The following QRICH1 variants were observed in gnomAD, a reference collection of about 807,000 sequenced individuals.
QRICH1 encodes glutamine rich 1.
QRICH1 carries 16 observed loss-of-function variants against 87.1 expected under a neutral mutation model. The ratio of observed to expected loss-of-function variants is 0.18; its 90% confidence interval spans 0.12 to 0.28. QRICH1 has a LOEUF of 0.28. Ranked by LOEUF, QRICH1 falls within the 10% of genes least tolerant of loss-of-function variation. The pLI is 1.00. For missense variants in QRICH1, 647 were observed against 951.7 expected, an observed-to-expected ratio of 0.68 and a Z score of 4.21; for synonymous variants, 367 against 368.4, an observed-to-expected ratio of 1.00 and a Z score of 0.05.
chr3:49,085,138 G>T (rs2042144335), intron 1 of QRICH1, among the ~76,000 whole-genome samples: 1 of 150,908 alleles, frequency 6.6e-6, no homozygotes, highest in Admixed American at 6.6e-5. Flanking sequence ...GCAAGACTCC[G>T]TCTCAAAAAA....
intron 2 of QRICH1, among the ~76,000 whole-genome samples, chr3:49,064,437 G>C (rs141926009): frequency 6.6e-6 from 1 of 151,912 alleles, no homozygotes; most frequent in South Asian, 2.1e-4. Context: ...ATTTTTAGTA[G>C]AGATGGGGTT....
At chr3:49,071,077 T>C (rs1468297095) in intron 2 of QRICH1, among the ~76,000 whole-genome samples, 1 of 152,044 alleles carries the variant, frequency 6.6e-6, no homozygotes, top group East Asian at 1.9e-4. Flanking sequence ...ACTTTTTTTT[T>C]TTTTTGAGAC....
intron 1 of QRICH1, among the ~76,000 whole-genome samples, chr3:49,082,828 G>C (rs1187106653): frequency 6.6e-6 from 1 of 150,710 alleles, no homozygotes; most frequent in Non-Finnish European, 1.5e-5. Context: ...CTGGGAGGCA[G>C]AGCTTGCAGT....
chr3:49,066,347 T>C (rs1473407812), intron 2 of QRICH1, among the ~76,000 whole-genome samples: 1 of 152,182 alleles, frequency 6.6e-6, no homozygotes, highest in Non-Finnish European at 1.5e-5. Context: ...ACACATAGTA[T>C]GTTTTTAAAT....
intron 2 of QRICH1, chr3:49,058,143 T>A (rs905443417): frequency 2.2e-5 from 12 of 552,382 alleles, no homozygotes; most frequent in South Asian, 2.5e-5. Flanking sequence ...AAAAAGGAAA[T>A]ACCAAAAAAA....
At chr3:49,079,183 G>A (rs894608777) in intron 1 of QRICH1, among the ~76,000 whole-genome samples, 10 of 151,876 alleles carry the variant, frequency 6.6e-5, no homozygotes, top group African/African-American at 1.9e-4. Context: ...GCAGTGACCC[G>A]AGATCACTCG....
At chr3:49,081,644 G>A (rs1334929437) in intron 1 of QRICH1, among the ~76,000 whole-genome samples, 1 of 152,108 alleles carries the variant, frequency 6.6e-6, no homozygotes, top group Non-Finnish European at 1.5e-5. Flanking sequence ...GGGACTACAG[G>A]CGTGTACCAT....
chr3:49,039,741 C>G (rs927169453), intron 6 of QRICH1, among the ~76,000 whole-genome samples: 1 of 139,914 alleles, frequency 7.1e-6, no homozygotes, highest in African/African-American at 2.7e-5. Flanking sequence ...AACTTAAAAA[C>G]AAACAAAAAC....
At chr3:49,072,656 T>C (rs768535426) in intron 2 of QRICH1, among the ~76,000 whole-genome samples, 8 of 152,118 alleles carry the variant, frequency 5.3e-5, no homozygotes, top group African/African-American at 7.2e-5. Context: ...ATGCCAACAA[T>C]TGAGTGGTCA....
chr3:49,032,502 T>A, intron 8 of QRICH1, 120 bp downstream of exon 8: 1 of 1,305,782 alleles, frequency 7.7e-7, no homozygotes, highest in Non-Finnish European at 1.1e-6. Flanking sequence ...GAGAAGGGAG[T>A]GGAGAATTTT....
intron 7 of QRICH1, 50 bp from the exon 8 acceptor site, chr3:49,032,823 C>A (rs372595120): frequency 1.3e-6 from 2 of 1,565,912 alleles, no homozygotes; most frequent in Non-Finnish European, 1.7e-6. Context: ...CGGGAGGATA[C>A]CATGACTCAT....
At position 49,066,985 on chromosome 3, in the gene QRICH1, C is replaced by T. The variant is rs556271744; in HGVS notation, c.310-9095G>A. ...CCTGGGGGGCGGAGGTTGCAGTGAG[C>T]CGAGAACATGGCACTGCACTCCAGC... On this transcript the variant is annotated intron_variant, in intron 2 of 9. Transcript: ENST00000395443. 3.3e-5 allele frequency among the ~76,000 whole-genome samples: 5 copies of T among 151,850 alleles called. 1 individual carries two copies. The South Asian group carries it at 8.3e-4, about 25-fold the overall frequency.
At chr3:49,034,603 C>T (rs963169167) in intron 6 of QRICH1, among the ~76,000 whole-genome samples, 11 of 152,168 alleles carry the variant, frequency 7.2e-5, no homozygotes, top group East Asian at 5.8e-4. Flanking sequence ...TGAACCACCA[C>T]GCCTAGCCAA....
chr3:49,056,159 A>G (rs1464898883), intron 3 of QRICH1, among the ~76,000 whole-genome samples: 2 of 151,974 alleles, frequency 1.3e-5, no homozygotes, highest in Admixed American at 6.6e-5. Flanking sequence ...TATTTTTAGT[A>G]GAGACGTGGT....
chr3:49,074,583 CA>C (rs1474837213), intron 2 of QRICH1, among the ~76,000 whole-genome samples: 1 of 148,290 alleles, frequency 6.7e-6, no homozygotes, highest in Non-Finnish European at 1.5e-5. Context: ...GGAAAAAATA[CA>C]AAAGAAAAGA....
chr3:49,039,885 C>G (rs1335496315), intron 6 of QRICH1, among the ~76,000 whole-genome samples: 1 of 151,768 alleles, frequency 6.6e-6, no homozygotes, highest in Non-Finnish European at 1.5e-5. Flanking sequence ...CATGGTGAAA[C>G]CCTGTCTCTA....
At chr3:49,093,516 C>G (rs997611355) in intron 1 of QRICH1, 5 of 151,926 alleles carry the variant, frequency 3.3e-5, no homozygotes, top group Non-Finnish European at 7.4e-5. Flanking sequence ...AGCGCGCGCC[C>G]CAAAACTGGG....
intron 2 of QRICH1, among the ~76,000 whole-genome samples, chr3:49,061,435 T>C (rs1463234358): frequency 2.0e-5 from 3 of 152,126 alleles, no homozygotes; most frequent in Non-Finnish European, 2.9e-5. Context: ...TATGTCAGCA[T>C]GCAAAAGAGC....
chr3:49,047,479 G>GTTTTT (rs397724825), intron 3 of QRICH1, among the ~76,000 whole-genome samples: 11 of 109,076 alleles, frequency 1.0e-4, no homozygotes, highest in Non-Finnish European at 1.7e-4. Flanking sequence ...ACTTTTAAAT[G>GTTTTT]TTTTTTTTTT....
Sources: gnomAD v4.1 joint callset for allele counts (sites outside exome capture counted in the v4.1 genomes callset) on GRCh38, gnomAD v4.1.1 for gene constraint, MANE v1.5 for transcripts, NCBI Gene and HGNC (gene_info 2026-07-23, HGNC 2026-07-21) for gene names.